UBR3: variants seen among roughly 807,000 people sequenced by gnomAD.
The protein encoded by UBR3 is ubiquitin protein ligase E3 component n-recognin 3, also known as E3 ubiquitin-protein ligase UBR3.
A neutral mutation model predicts 243.2 loss-of-function variants in UBR3; 85 were observed. The ratio of observed to expected loss-of-function variants is 0.35; its 90% CI spans 0.29 to 0.42. The LOEUF (loss-of-function observed/expected upper bound fraction) is 0.42, where lower values mean the gene tolerates loss of function less well. Among genes scored for constraint, UBR3 ranks in the 10% least tolerant of loss-of-function variants. The pLI is 1.00. For missense variants in UBR3, 1,686 were observed against 2,300.8 expected, an observed-to-expected ratio of 0.73 and a Z score of 5.47; for synonymous variants, 748 against 799.8, an observed-to-expected ratio of 0.94 and a Z score of 1.09.
At chr2:169,847,323 T>A (rs1299454800) in intron 1 of UBR3, among the ~76,000 whole-genome samples, 1 of 152,188 alleles carries the variant, frequency 6.6e-6, no homozygotes, top group Non-Finnish European at 1.5e-5. Flanking sequence ...TTTTAAAATG[T>A]TTCCATTTAC....
rs10203212 is a variant in UBR3 at position 170,061,138 on chromosome 2, A to G, written c.4845A>G (p.Leu1615=). ...EVLLSFVISE[L]FKGKLYHEEG... is the part of the protein sequence containing the mutation. ...TACTGAGCTTTGTGATAAGTGAACTATTTAAAGGAAAGTTATACCATGAAG... is the reference window on the plus strand; with the variant it reads ...TACTGAGCTTTGTGATAAGTGAACTGTTTAAAGGAAAGTTATACCATGAAG... The change falls in exon 34 of 39, where the codon CTA becomes CTG. Residue 1615 remains leucine (L), a synonymous_variant. Transcript: ENST00000272793. The G allele has an allele frequency of 0.26, 420,987 of 1,598,582 alleles. 57,783 individuals carry two copies. The highest frequency in any genetic ancestry group is 0.4 in the South Asian group (34,470 of 86,744).
chr2:170,029,340 T>G lies in UBR3; in HGVS notation c.4454-6T>G. ...TTTCTAATTACCTTTTCTTCAATTTTTTCAGATCAGCTGTTTCATGTATTA... is the reference window on the plus strand; with the variant it reads ...TTTCTAATTACCTTTTCTTCAATTTGTTCAGATCAGCTGTTTCATGTATTA... On this transcript the variant is annotated splice_region_variant and splice_polypyrimidine_tract_variant and intron_variant, in intron 30 of 38. Transcript: ENST00000272793. The G allele has an allele frequency of 6.3e-7, 1 of 1,591,808 alleles. No individual in the cohort carries two copies. The highest frequency in any genetic ancestry group is 8.5e-7 in the Non-Finnish European group (1 of 1,172,218).
intron 17 of UBR3, 147 bp downstream of exon 17, chr2:169,927,552 G>T: frequency 3.6e-6 from 2 of 557,732 alleles, no homozygotes; most frequent in Admixed American, 3.7e-5. Context: ...GTGTGCTCAA[G>T]TATGTATTCA....
At chr2:169,924,228 C>A in intron 13 of UBR3, 55 bp downstream of exon 13, 1 of 1,331,610 alleles carries the variant, frequency 7.5e-7, no homozygotes, top group Non-Finnish European at 1.0e-6. Context: ...TTAAGTGATT[C>A]TTCCTTTATT....
intron 8 of UBR3, among the ~76,000 whole-genome samples, chr2:169,898,003 G>A (rs2084656660): frequency 6.6e-6 from 1 of 152,132 alleles, no homozygotes; most frequent in South Asian, 2.1e-4. Context: ...CAGTTAAGAA[G>A]GATTTCCTGG....
At chr2:169,996,131 T>G (rs2089469108) in intron 26 of UBR3, among the ~76,000 whole-genome samples, 2 of 152,238 alleles carry the variant, frequency 1.3e-5, no homozygotes. Context: ...AAATAGGAAC[T>G]GACCTAGTGA....
chr2:169,861,033 G>C (rs1281617060), intron 1 of UBR3, among the ~76,000 whole-genome samples: 2 of 152,192 alleles, frequency 1.3e-5, no homozygotes, highest in African/African-American at 2.4e-5. Context: ...CAGCACGGGA[G>C]AAAGATGAAG....
chr2:169,859,734 G>A (rs1283809860), intron 1 of UBR3, among the ~76,000 whole-genome samples: 1 of 145,404 alleles, frequency 6.9e-6, no homozygotes, highest in Non-Finnish European at 1.5e-5. Flanking sequence ...ATTTATTTTT[G>A]AGATGGAGTT....
At chr2:170,040,212 C>T (rs916245113) in intron 31 of UBR3, among the ~76,000 whole-genome samples, 3 of 152,086 alleles carry the variant, frequency 2.0e-5, no homozygotes, top group Admixed American at 6.6e-5. Flanking sequence ...AATCACAGCC[C>T]GCTGCAGCCT....
chr2:169,953,096 G>A (rs1378384592), intron 23 of UBR3, among the ~76,000 whole-genome samples: 1 of 152,064 alleles, frequency 6.6e-6, no homozygotes, highest in Non-Finnish European at 1.5e-5. Context: ...TGATACTGGA[G>A]GACATAGTTT....
intron 20 of UBR3, among the ~76,000 whole-genome samples, chr2:169,944,852 G>A (rs541339719): frequency 6.6e-6 from 1 of 152,248 alleles, no homozygotes; most frequent in Admixed American, 6.5e-5. Context: ...TCAGTGGCCT[G>A]GGGGTCTGAG....
chr2:169,976,957 G>A lies in UBR3; in HGVS notation c.3635-9688G>A, dbSNP rs114487042. On this transcript the variant is annotated intron_variant, in intron 24 of 38. Transcript: ENST00000272793. The stretch of plus-strand genomic sequence containing the variant: ...GTAATTTTAAATGACTTATCTTCAC[G>A]TTCAGAGATTCCTTTTTCTACTTGA... 4.7e-3 allele frequency among the ~76,000 whole-genome samples: 718 copies of A among 151,714 alleles called. 4 individuals are homozygous for A. The highest frequency in any genetic ancestry group is 0.017 in the African/African-American group (694 of 41,326).
chr2:169,877,217 T>C (rs924909215), intron 3 of UBR3, among the ~76,000 whole-genome samples: 10 of 152,246 alleles, frequency 6.6e-5, no homozygotes, highest in Non-Finnish European at 8.8e-5. Flanking sequence ...GTTCGGATCA[T>C]GTCTTATTAA....
intron 17 of UBR3, among the ~76,000 whole-genome samples, chr2:169,927,901 T>C (rs779200865): frequency 1.3e-5 from 2 of 152,378 alleles, no homozygotes; most frequent in Non-Finnish European, 2.9e-5. Context: ...TGTGGTTCTT[T>C]GTATAGGACT....
intron 24 of UBR3, among the ~76,000 whole-genome samples, chr2:169,966,748 A>G (rs1381171184): frequency 6.6e-6 from 1 of 152,206 alleles, no homozygotes; most frequent in Non-Finnish European, 1.5e-5. Flanking sequence ...TGAGAGGGTC[A>G]AATGTACGTA....
At chr2:169,922,289 A>T (rs1231148778) in intron 11 of UBR3, among the ~76,000 whole-genome samples, 4 of 127,826 alleles carry the variant, frequency 3.1e-5, no homozygotes, top group South Asian at 5.0e-4. Flanking sequence ...CTGTCTATTT[A>T]AAAAAAAAAA....
intron 24 of UBR3, among the ~76,000 whole-genome samples, chr2:169,963,075 C>T (rs1174897639): frequency 1.3e-5 from 2 of 152,128 alleles, no homozygotes; most frequent in African/African-American, 4.8e-5. Flanking sequence ...GCTGCTTGTT[C>T]AGTTTCTTTG....
intron 6 of UBR3, 136 bp from the exon 7 acceptor site, chr2:169,895,045 T>A (rs2084529456): frequency 1.3e-6 from 1 of 779,098 alleles, no homozygotes; most frequent in Admixed American, 3.9e-5. Context: ...ATCTAGCTTG[T>A]CAATATTATT....
At chr2:169,858,091 C>T (rs2082954396) in intron 1 of UBR3, among the ~76,000 whole-genome samples, 1 of 152,154 alleles carries the variant, frequency 6.6e-6, no homozygotes, top group South Asian at 2.1e-4. Flanking sequence ...CATTTATTAT[C>T]TCATAGTTTC....
Sources: allele counts gnomAD v4.1 joint callset (sites outside exome capture counted in the v4.1 genomes callset), GRCh38; gene constraint gnomAD v4.1.1; transcripts MANE v1.5; gene names NCBI Gene and HGNC (gene_info 2026-07-23, HGNC 2026-07-21).